ASH1L: variants seen among roughly 807,000 people sequenced by gnomAD.
ASH1L encodes the protein ASH1 like histone lysine methyltransferase, also known as histone-lysine N-methyltransferase ASH1L.
ASH1L carries 23 observed loss-of-function variants against 269.0 expected under a neutral mutation model. The observed-to-expected ratio is 0.09, with a 90% CI of 0.06 to 0.12. The LOEUF is 0.12. Ranked by LOEUF, ASH1L falls within the 10% of genes least tolerant of loss-of-function variation. ASH1L has a pLI of 1.00. For missense variants in ASH1L, 2,912 were observed against 3,567.8 expected, an observed-to-expected ratio of 0.82 and a Z score of 4.68; for synonymous variants, 1,187 against 1,253.5, an observed-to-expected ratio of 0.95 and a Z score of 1.12.
chr1:155,360,484 C>T (rs1182977933), intron 12 of ASH1L, 75 bp from the exon 13 acceptor site: 20 of 902,954 alleles, frequency 2.2e-5, no homozygotes, highest in Admixed American at 2.0e-4. Context: ...CCCTCTGTTG[C>T]CTAGGCTGGA....
At chr1:155,537,662 A>G (rs1670147026) in intron 1 of ASH1L, among the ~76,000 whole-genome samples, 1 of 152,222 alleles carries the variant, frequency 6.6e-6, no homozygotes, top group Non-Finnish European at 1.5e-5. Flanking sequence ...AAAACGAACT[A>G]TAAAATTCCT....
intron 1 of ASH1L, among the ~76,000 whole-genome samples, chr1:155,534,791 C>T (rs371550044): frequency 6.6e-6 from 1 of 152,088 alleles, no homozygotes; most frequent in African/African-American, 2.4e-5. Flanking sequence ...GATTTTTAGC[C>T]TGGAAGAACA....
chr1:155,467,546 T>C (rs992418394), intron 3 of ASH1L, among the ~76,000 whole-genome samples: 3 of 152,188 alleles, frequency 2.0e-5, no homozygotes, highest in African/African-American at 4.8e-5. Flanking sequence ...AATTTTACAG[T>C]GAATATACTT....
intron 2 of ASH1L, among the ~76,000 whole-genome samples, chr1:155,492,286 G>A (rs181330068): frequency 1.9e-4 from 28 of 149,444 alleles, no homozygotes; most frequent in African/African-American, 4.7e-4. Flanking sequence ...AACCTCAGCC[G>A]CCAGCCTCGG....
intron 21 of ASH1L, 155 bp from the exon 22 acceptor site, chr1:155,344,428 C>A: frequency 3.5e-6 from 2 of 574,812 alleles, no homozygotes; most frequent in Non-Finnish European, 6.1e-6. Context: ...AGCTGTTAAA[C>A]CTGGAAAAGT....
At chr1:155,494,847 G>A (rs1033377784) in intron 2 of ASH1L, among the ~76,000 whole-genome samples, 7 of 151,944 alleles carry the variant, frequency 4.6e-5, no homozygotes, top group Admixed American at 3.3e-4. Context: ...AATGTAAACC[G>A]AACAGTAAAC....
At chr1:155,542,447 G>A (rs1670488369) in intron 1 of ASH1L, among the ~76,000 whole-genome samples, 1 of 151,842 alleles carries the variant, frequency 6.6e-6, no homozygotes, top group African/African-American at 2.4e-5. Context: ...TACTTGGAAG[G>A]CTGAGGCAGG....
chr1:155,545,112 C>T (rs193012600), intron 1 of ASH1L, among the ~76,000 whole-genome samples: 47 of 120,090 alleles, frequency 3.9e-4, no homozygotes, highest in Admixed American at 1.9e-3. Context: ...GCAGAGGTTG[C>T]GGTGAGCCGA....
At chr1:155,384,946 T>C (rs1657297586) in intron 7 of ASH1L, among the ~76,000 whole-genome samples, 1 of 152,148 alleles carries the variant, frequency 6.6e-6, no homozygotes, top group Non-Finnish European at 1.5e-5. Flanking sequence ...AGTCTTTCTG[T>C]TTTTAATTCT....
In ASH1L at chr1:155,438,380, G is replaced by C; in HGVS notation, c.5775C>G (p.Thr1925=). 6.3e-7 allele frequency: 1 copy of C among 1,598,956 alleles called. No individual in the cohort carries two copies. The highest frequency in any genetic ancestry group is 1.1e-5 in the South Asian group (1 of 87,960). ...CTGGTAATGGCTTCTGCTTTTTTCT[G>C]GTCTGTTCTTCCAATAGCCAACCTT... is the stretch of plus-strand genomic sequence containing the variant. ...KRKGWLLEEQ[T]RKKQKPLPEE... Residue 1925 remains threonine, a synonymous_variant, in exon 5 of 28, where the codon ACC becomes ACG. Transcript: ENST00000392403.
At position 155,343,219 on chromosome 1, in the gene ASH1L, A is replaced by C; in HGVS notation, c.8293+95T>G. 5.7e-6 allele frequency: 8 copies of C among 1,397,264 alleles called. No homozygotes were observed. Among genetic ancestry groups the C allele is most frequent in the Non-Finnish European group, 7.8e-6 (8 of 1,021,954 alleles). The allele number at this position is 1,397,264 out of a possible 1,614,324, so 86.6% of individuals were successfully genotyped here. ...TGGTCTCACACTCCTGGGCTTAAGCAATCTGCCTGCCTCGGCCTCCCACAC... is the reference window on the plus strand; with the variant it reads ...TGGTCTCACACTCCTGGGCTTAAGCCATCTGCCTGCCTCGGCCTCCCACAC... On this transcript the variant is annotated intron_variant, in intron 24 of 27. Transcript: ENST00000392403. The surrounding 1 kb of genome is among the most constrained non-coding windows in gnomAD (Gnocchi z 6.1).
At chr1:155,557,015 G>A (rs917006273) in intron 1 of ASH1L, among the ~76,000 whole-genome samples, 19 of 152,160 alleles carry the variant, frequency 1.2e-4, no homozygotes, top group African/African-American at 4.6e-4. Flanking sequence ...TAGCCTGGGT[G>A]ACATAGTAAG....
intron 1 of ASH1L, among the ~76,000 whole-genome samples, chr1:155,531,152 C>A (rs536075601): frequency 1.8e-4 from 27 of 151,644 alleles, no homozygotes; most frequent in African/African-American, 6.3e-4. Flanking sequence ...AGAGAGACCC[C>A]CATCTCAAAA....
chr1:155,558,872 G>C (rs529013318), intron 1 of ASH1L, among the ~76,000 whole-genome samples: 4 of 146,640 alleles, frequency 2.7e-5, no homozygotes, highest in East Asian at 2.0e-4. Flanking sequence ...TTTTTTGAGA[G>C]AGTCACTCTG....
At chr1:155,498,188 A>C (rs755285111) in intron 2 of ASH1L, among the ~76,000 whole-genome samples, 11 of 152,172 alleles carry the variant, frequency 7.2e-5, no homozygotes, top group Non-Finnish European at 1.2e-4. Flanking sequence ...TCAAATTCAT[A>C]AAGACAGAAA....
intron 21 of ASH1L, chr1:155,345,871 GC>G (rs1653263411): frequency 1.1e-5 from 2 of 180,048 alleles, no homozygotes; most frequent in Non-Finnish European, 2.3e-5. Flanking sequence ...TTGCTCTGTC[GC>G]CCAGGCTGGA....
At chr1:155,538,704 A>G (rs554465889) in intron 1 of ASH1L, among the ~76,000 whole-genome samples, 13 of 142,064 alleles carry the variant, frequency 9.2e-5, no homozygotes, top group Admixed American at 2.3e-4. Flanking sequence ...GTACAGTGGC[A>G]TAATAATAGC....
chr1:155,469,136 A>G (rs941460013), intron 3 of ASH1L, among the ~76,000 whole-genome samples: 6 of 152,138 alleles, frequency 3.9e-5, no homozygotes, highest in Non-Finnish European at 7.4e-5. Context: ...CACTTTCAGT[A>G]CTTACCTAAC....
chr1:155,514,321 T>C (rs1408946176), intron 2 of ASH1L, among the ~76,000 whole-genome samples: 3 of 152,202 alleles, frequency 2.0e-5, no homozygotes, highest in African/African-American at 7.2e-5. Flanking sequence ...AGTTTATATA[T>C]ACGGATATAC....
Sources: gnomAD v4.1 joint callset for allele counts (sites outside exome capture counted in the v4.1 genomes callset) on GRCh38, gnomAD v4.1.1 for gene constraint, Gnocchi (gnomAD v3.1) non-coding constraint, MANE v1.5 for transcripts, NCBI Gene and HGNC (gene_info 2026-07-23, HGNC 2026-07-21) for gene names.